CACNA2D1: variants seen among roughly 807,000 people sequenced by gnomAD.
CACNA2D1 encodes the protein voltage-dependent calcium channel subunit alpha-2/delta-1.
Under a neutral mutation model 171.5 loss-of-function variants are expected in CACNA2D1, and 53 were observed. That is an observed-to-expected ratio of 0.31 (90% CI 0.25 to 0.39). The LOEUF (loss-of-function observed/expected upper bound fraction) is 0.39, where lower values mean the gene tolerates loss of function less well. Ranked by LOEUF, CACNA2D1 falls within the 10% of genes least tolerant of loss-of-function variation. CACNA2D1 has a pLI of 1.00. For synonymous variants in CACNA2D1, 442 were observed against 443.1 expected (o/e 1.00, Z 0.03); for missense variants, 903 against 1,299.8 (o/e 0.69, Z 4.69).
intron 10 of CACNA2D1, among the ~76,000 whole-genome samples, chr7:82,045,625 T>C (rs955006417): frequency 1.3e-5 from 2 of 152,184 alleles, no homozygotes; most frequent in East Asian, 1.9e-4. Flanking sequence ...AATTAAGATT[T>C]TGAATACATT....
intron 3 of CACNA2D1, among the ~76,000 whole-genome samples, chr7:82,232,292 A>G (rs140066062): frequency 5.3e-5 from 8 of 152,288 alleles, no homozygotes; most frequent in South Asian, 2.1e-4. Flanking sequence ...GCTAACCACC[A>G]TCTATAAAGA....
intron 3 of CACNA2D1, among the ~76,000 whole-genome samples, chr7:82,251,739 A>G (rs1805668733): frequency 6.6e-6 from 1 of 152,194 alleles, no homozygotes; most frequent in African/African-American, 2.4e-5. Context: ...TATGCCATAC[A>G]TTAGATTCAT....
intron 1 of CACNA2D1, among the ~76,000 whole-genome samples, chr7:82,363,047 A>G (rs1821251808): frequency 6.6e-6 from 1 of 152,082 alleles, no homozygotes; most frequent in Admixed American, 6.6e-5. Context: ...TATTCTTTAC[A>G]TACACTTCTA....
At chr7:82,263,549 C>T (rs1310069417) in intron 3 of CACNA2D1, among the ~76,000 whole-genome samples, 6 of 152,214 alleles carry the variant, frequency 3.9e-5, no homozygotes, top group Admixed American at 6.5e-5. Flanking sequence ...ACAGAACTAA[C>T]TCTGAAATTA....
intron 3 of CACNA2D1, among the ~76,000 whole-genome samples, chr7:82,238,944 A>T (rs1475260467): frequency 1.3e-5 from 2 of 152,072 alleles, no homozygotes; most frequent in African/African-American, 4.8e-5. Context: ...CCCAAGATAG[A>T]TATGCAACAA....
chr7:82,343,131 A>G (rs1818869811), intron 2 of CACNA2D1: 1 of 152,194 alleles, frequency 6.6e-6, no homozygotes, highest in Admixed American at 6.5e-5. Flanking sequence ...AATGATAACT[A>G]TATCAAACTA....
chr7:82,418,915 G>A (rs1009114791), intron 1 of CACNA2D1, among the ~76,000 whole-genome samples: 2 of 152,038 alleles, frequency 1.3e-5, no homozygotes, highest in South Asian at 2.1e-4. Flanking sequence ...TCAGGAGATC[G>A]AGATCACGGT....
rs535741718 is a variant in CACNA2D1 at position 81,966,495 on chromosome 7, G to C, written c.2502+674C>G. Among the ~76,000 whole-genome samples, 25 of 151,412 alleles carry C rather than the reference G, an allele frequency of 1.7e-4. 1 individual carries two copies. In the South Asian group the frequency reaches 5.2e-3, roughly 32 times the overall value. On this transcript the variant is annotated intron_variant, in intron 31 of 38. Coordinates refer to ENST00000356860, the MANE Select transcript of CACNA2D1 (RefSeq NM_000722.4). Reference sequence around the variant, plus strand: ...GGAGTAGGAGTGATAAAGACGATATGAACCCCCTGCTTCCCTTGGAGATAT... The same window carrying C: ...GGAGTAGGAGTGATAAAGACGATATCAACCCCCTGCTTCCCTTGGAGATAT...
chr7:82,090,787 C>A (rs1272556101), intron 6 of CACNA2D1, among the ~76,000 whole-genome samples: 1 of 151,944 alleles, frequency 6.6e-6, no homozygotes, highest in African/African-American at 2.4e-5. Flanking sequence ...AATTTTTGGA[C>A]AATCATAGAA....
chr7:82,162,645 A>C (rs1373098459), intron 4 of CACNA2D1, among the ~76,000 whole-genome samples: 1 of 151,626 alleles, frequency 6.6e-6, no homozygotes, highest in Non-Finnish European at 1.5e-5. Context: ...AGAGACTTTA[A>C]GTTTAAATGA....
intron 3 of CACNA2D1, among the ~76,000 whole-genome samples, chr7:82,280,148 T>C (rs1400784711): frequency 1.3e-5 from 2 of 152,176 alleles, no homozygotes; most frequent in Non-Finnish European, 2.9e-5. Context: ...AACAATGTAT[T>C]TTATTTTGAA....
intron 12 of CACNA2D1, chr7:82,028,233 C>T (rs1438316161): frequency 6.6e-6 from 1 of 151,728 alleles, no homozygotes; most frequent in Non-Finnish European, 1.5e-5. Context: ...TAAATCTACT[C>T]TGCTTATGCT....
chr7:82,355,676 G>A (rs1305220155), intron 1 of CACNA2D1, among the ~76,000 whole-genome samples: 1 of 151,736 alleles, frequency 6.6e-6, no homozygotes, highest in Non-Finnish European at 1.5e-5. Context: ...CATATTCCCT[G>A]GTCTCTCTTC....
At chr7:82,007,831 T>C (rs1799290151) in intron 15 of CACNA2D1, 75 bp from the exon 16 acceptor site, 4 of 815,536 alleles carry the variant, frequency 4.9e-6, no homozygotes, top group Non-Finnish European at 8.7e-6. Context: ...TAACCTTTGA[T>C]ATCTGAGATT....
At chr7:82,032,061 T>G (rs1246327076) in intron 12 of CACNA2D1, among the ~76,000 whole-genome samples, 1 of 151,888 alleles carries the variant, frequency 6.6e-6, no homozygotes, top group Non-Finnish European at 1.5e-5. Context: ...GGTCAGAAAA[T>G]TGAAATAAGC....
At chr7:82,180,386 T>C (rs1230855117) in intron 3 of CACNA2D1, among the ~76,000 whole-genome samples, 2 of 152,146 alleles carry the variant, frequency 1.3e-5, no homozygotes, top group Non-Finnish European at 1.5e-5. Flanking sequence ...GAGATACTGA[T>C]GCGAACACAA....
intron 3 of CACNA2D1, among the ~76,000 whole-genome samples, chr7:82,331,260 A>G (rs958244586): frequency 6.6e-5 from 10 of 152,144 alleles, no homozygotes; most frequent in African/African-American, 2.4e-4. Flanking sequence ...AAATTTTATC[A>G]TCTACCTTAG....
intron 10 of CACNA2D1, among the ~76,000 whole-genome samples, chr7:82,048,631 A>T (rs1049502910): frequency 1.3e-5 from 2 of 152,146 alleles, no homozygotes; most frequent in East Asian, 3.8e-4. Flanking sequence ...CATTTTACAA[A>T]TAAGTTCTCA....
chr7:82,291,552 TATAA>T (rs1029938291), intron 3 of CACNA2D1, among the ~76,000 whole-genome samples: 2 of 140,168 alleles, frequency 1.4e-5, no homozygotes, highest in African/African-American at 5.3e-5. Flanking sequence ...TATAGATATA[TATAA>T]ATATATATAT....
Sources: gnomAD v4.1 joint callset for allele counts (sites outside exome capture counted in the v4.1 genomes callset) on GRCh38, gnomAD v4.1.1 for gene constraint, MANE v1.5 for transcripts, NCBI Gene and HGNC (gene_info 2026-07-23, HGNC 2026-07-21) for gene names.